The following URB1 variants were observed in gnomAD, a reference collection of about 807,000 sequenced individuals.
The protein encoded by URB1 is URB1 ribosome biogenesis factor, also known as nucleolar pre-ribosomal-associated protein 1.
In URB1, 197 loss-of-function variants were observed where a neutral mutation model predicts 242.3. The ratio of observed to expected loss-of-function variants is 0.81; its 90% CI spans 0.72 to 0.91. URB1 has a LOEUF of 0.91. URB1 is among the 40% of genes least tolerant of loss of function. URB1 has a pLI of 0.00. For missense variants in URB1, 2,721 were observed against 2,860.5 expected (o/e 0.95, Z 1.11); for synonymous variants, 1,153 against 1,201.8 (o/e 0.96, Z 0.84).
chr21:32,372,757 T>A, intron 7 of URB1, 126 bp from the exon 8 acceptor site: 1 of 1,093,834 alleles, frequency 9.1e-7, no homozygotes, highest in Non-Finnish European at 1.3e-6. Flanking sequence ...ATACTTGGTG[T>A]CATTCCAAAC....
At position 32,317,905 on chromosome 21, in the gene URB1, G is replaced by A; in HGVS notation, c.5805C>T (p.Ala1935=). 6.4e-7 allele frequency: 1 copy of A among 1,551,668 alleles called. No homozygotes were observed. Among genetic ancestry groups the A allele is most frequent in the Non-Finnish European group, 8.7e-7 (1 of 1,146,988 alleles). Residue 1935 remains alanine (A), a synonymous_variant, in exon 37 of 39, where the codon GCC becomes GCT. Coordinates refer to ENST00000382751, the MANE Select transcript of URB1 (RefSeq NM_014825.3). ...VLMKHLRPTL[A]PVQLTNFFGT... ...CGAAGAAGTTGGTCAGCTGGACGGG[G>A]GCCAAGGTGGGCCTGTTTGGGAGTC...
intron 28 of URB1, among the ~76,000 whole-genome samples, chr21:32,334,672 G>A (rs1429236131): frequency 1.3e-5 from 2 of 152,136 alleles, no homozygotes; most frequent in Non-Finnish European, 2.9e-5. Context: ...GCAAATGGGG[G>A]AAAGAGGTGC....
intron 9 of URB1, among the ~76,000 whole-genome samples, chr21:32,367,328 G>A (rs1393401604): frequency 1.3e-5 from 2 of 152,140 alleles, no homozygotes; most frequent in Admixed American, 1.3e-4. Flanking sequence ...CAAATCAGAT[G>A]TTTCATCAGA....
At chr21:32,369,363 G>GA (rs1181247915) in intron 8 of URB1, among the ~76,000 whole-genome samples, 1 of 151,968 alleles carries the variant, frequency 6.6e-6, no homozygotes, top group African/African-American at 2.4e-5. Flanking sequence ...GACTCCATCT[G>GA]AAAAAAACAG....
At chr21:32,362,453 C>T (rs2033300088) in intron 11 of URB1, among the ~76,000 whole-genome samples, 1 of 152,126 alleles carries the variant, frequency 6.6e-6, no homozygotes, top group South Asian at 2.1e-4. Flanking sequence ...GGTGATCCAC[C>T]CATCTCAGCC....
intron 20 of URB1, among the ~76,000 whole-genome samples, chr21:32,349,830 C>T (rs2033136548): frequency 6.6e-6 from 1 of 152,144 alleles, no homozygotes; most frequent in Admixed American, 6.5e-5. Context: ...CTCAGTGGCT[C>T]ACGCCTGTAA....
intron 14 of URB1, 124 bp downstream of exon 14, chr21:32,359,672 G>C (rs1279334418): frequency 2.5e-6 from 2 of 809,846 alleles, no homozygotes; most frequent in Non-Finnish European, 1.8e-6. Context: ...TCTAAAATGA[G>C]AACTGTTAAC....
chr21:32,357,785 T>G, intron 14 of URB1, 129 bp from the exon 15 acceptor site: 1 of 723,674 alleles, frequency 1.4e-6, no homozygotes, highest in Non-Finnish European at 1.8e-6. Context: ...CTCAGCACTT[T>G]GGGAGGCCAA....
intron 26 of URB1, 38 bp from the exon 27 acceptor site, chr21:32,337,552 G>T (rs774527832): frequency 1.3e-6 from 2 of 1,512,902 alleles, no homozygotes; most frequent in South Asian, 1.2e-5. Flanking sequence ...GGCATGGTGG[G>T]GCAGACACAC....
Position 32,316,545 on chromosome 21 carries a change from G to A in URB1, c.6555C>T (p.Gly2185=). The A allele has an allele frequency of 6.4e-7, 1 of 1,550,994 alleles. No homozygotes were observed. The highest frequency in any genetic ancestry group is 1.2e-5 in the South Asian group (1 of 84,018). The stretch of plus-strand genomic sequence containing the variant: ...CCGGGTGGAAGGGGCTCCCTGCCCG[G>A]CCCTGGGCAGCCACCAGCTGCAGCA... The part of the protein sequence containing the change: ...TVMLQLVAAQ[G]RAGSPFHPAM... The change falls in exon 38 of 39, where the codon GGC becomes GGT. Residue 2185 remains glycine, a synonymous_variant. Coordinates refer to ENST00000382751, the MANE Select transcript of URB1 (RefSeq NM_014825.3).
intron 35 of URB1, among the ~76,000 whole-genome samples, chr21:32,320,138 C>T (rs1049619304): frequency 6.6e-6 from 1 of 152,248 alleles, no homozygotes; most frequent in African/African-American, 2.4e-5. Context: ...ACCGGCCTTC[C>T]TGCAAGAGGG....
At chr21:32,389,211 C>A (rs2146059475) in intron 1 of URB1, among the ~76,000 whole-genome samples, 1 of 152,256 alleles carries the variant, frequency 6.6e-6, no homozygotes, top group East Asian at 1.9e-4. Flanking sequence ...AGACCACATT[C>A]CAGGCCCCAA....
chr21:32,372,224 C>G (rs1044395774), intron 8 of URB1, among the ~76,000 whole-genome samples: 3 of 152,238 alleles, frequency 2.0e-5, no homozygotes, highest in African/African-American at 7.2e-5. Context: ...TTTCTGAGCT[C>G]CAGCTGACGA....
chr21:32,337,121 T>C lies in URB1; in HGVS notation c.4658A>G (p.Gln1553Arg), dbSNP rs757108502. 3.0e-5 allele frequency: 47 copies of C among 1,551,784 alleles called. No homozygotes were observed. Among genetic ancestry groups the C allele is most frequent in the Non-Finnish European group, 1.5e-5 (17 of 1,147,048 alleles). Residue 1553 changes from glutamine (Q) to arginine (R), a missense_variant, in exon 28 of 39, where the codon CAG (glutamine) becomes CGG (arginine). By Grantham distance (43) the Gln-to-Arg change is conservative. Coordinates refer to ENST00000382751, the MANE Select transcript of URB1 (RefSeq NM_014825.3). ...GAAGTTGATGAGGCTGAGCTTGTTCTGCTCATACGCTCGAAGCAGAAGTAA... is the reference window on the plus strand; with the variant it reads ...GAAGTTGATGAGGCTGAGCTTGTTCCGCTCATACGCTCGAAGCAGAAGTAA... ...KILLLLRAYE[Q>R]NKLSLINFRV...
chr21:32,391,872 A>C (rs1269287720), intron 1 of URB1, among the ~76,000 whole-genome samples: 5 of 151,690 alleles, frequency 3.3e-5, no homozygotes, highest in South Asian at 2.1e-4. Context: ...AAAAAAAAAA[A>C]ACATAGCTGG....
At chr21:32,381,299 A>G (rs2033522008) in intron 4 of URB1, among the ~76,000 whole-genome samples, 1 of 152,124 alleles carries the variant, frequency 6.6e-6, no homozygotes, top group African/African-American at 2.4e-5. Flanking sequence ...ACCAAAATAC[A>G]CTTGGTAAAA....
At position 32,318,829 on chromosome 21, in the gene URB1, C is replaced by A. The variant is rs536108739; in HGVS notation, c.5792+388G>T. Among the ~76,000 whole-genome samples the A allele has an allele frequency of 2.6e-5, 4 of 152,316 alleles. No individual in the cohort carries two copies. In the East Asian group the frequency reaches 5.8e-4, roughly 22 times the overall value. Reference sequence around the variant, plus strand: ...AGGCAGAGGCAAGTTTGGGAACACCCTGTCTTATGTTAGAGTCACAGAAAA... The same window carrying A: ...AGGCAGAGGCAAGTTTGGGAACACCATGTCTTATGTTAGAGTCACAGAAAA... On this transcript the variant is annotated intron_variant, in intron 36 of 38. Transcript: ENST00000382751.
intron 1 of URB1, among the ~76,000 whole-genome samples, chr21:32,387,235 G>A (rs747676068): frequency 6.6e-5 from 10 of 151,984 alleles, no homozygotes; most frequent in African/African-American, 1.5e-4. Flanking sequence ...TACCAACTGG[G>A]AGCCACCTGT....
At chr21:32,391,591 T>C (rs1054598508) in intron 1 of URB1, among the ~76,000 whole-genome samples, 6 of 152,166 alleles carry the variant, frequency 3.9e-5, no homozygotes, top group African/African-American at 1.2e-4. Context: ...TTTTTATTCA[T>C]CACTTTATCT....
Sources: allele counts gnomAD v4.1 joint callset (sites outside exome capture counted in the v4.1 genomes callset), GRCh38; gene constraint gnomAD v4.1.1; transcripts MANE v1.5; gene names NCBI Gene and HGNC (gene_info 2026-07-23, HGNC 2026-07-21).